PABPC4L: variants seen among roughly 807,000 people sequenced by gnomAD.
The protein encoded by PABPC4L is polyadenylate-binding protein 4-like.
For missense variants in PABPC4L, 452 were observed against 451.4 expected, an observed-to-expected ratio of 1.00 and a Z score of -0.01; for synonymous variants, 169 against 164.1, an observed-to-expected ratio of 1.03 and a Z score of -0.23.
the PABPC4L span, among the ~76,000 whole-genome samples, chr4:134,067,731 C>A: frequency 6.6e-6 from 1 of 152,052 alleles, no homozygotes; most frequent in Non-Finnish European, 1.5e-5. Flanking sequence ...TATATCTTAG[C>A]TCTCATTAGT....
chr4:134,181,594 T>C, the PABPC4L span, among the ~76,000 whole-genome samples: 1 of 151,772 alleles, frequency 6.6e-6, no homozygotes, highest in Non-Finnish European at 1.5e-5. Flanking sequence ...CTGTAATTCA[T>C]ACAATATGTT....
At chr4:134,196,328 C>T (rs1339423161), downstream of PABPC4L, 1 of 151,578 alleles carries the variant, frequency 6.6e-6, no homozygotes, top group Non-Finnish European at 1.5e-5. Context: ...CATTTTCAAA[C>T]ATGCTTTCAC....
At chr4:134,131,620 A>T in the PABPC4L span, among the ~76,000 whole-genome samples, 1 of 150,940 alleles carries the variant, frequency 6.6e-6, no homozygotes, top group African/African-American at 2.4e-5. Flanking sequence ...CAATATTGCC[A>T]AAAGCAATCT....
chr4:134,147,787 A>G, the PABPC4L span, among the ~76,000 whole-genome samples: 2 of 151,370 alleles, frequency 1.3e-5, no homozygotes, highest in Non-Finnish European at 2.9e-5. Context: ...CTAGAAGAAG[A>G]TGTTAAAATA....
the PABPC4L span, among the ~76,000 whole-genome samples, chr4:133,960,913 G>A: frequency 6.6e-6 from 1 of 152,054 alleles, no homozygotes; most frequent in Admixed American, 6.6e-5. Context: ...AGTAAGATCC[G>A]CCCAAGGAGA....
chr4:134,164,693 T>C, the PABPC4L span, among the ~76,000 whole-genome samples: 2 of 151,994 alleles, frequency 1.3e-5, no homozygotes, highest in Non-Finnish European at 2.9e-5. Flanking sequence ...AAAATGACCA[T>C]ACTGCCCAAA....
chr4:134,180,876 G>T, the PABPC4L span, among the ~76,000 whole-genome samples: 3 of 151,634 alleles, frequency 2.0e-5, no homozygotes, highest in Admixed American at 2.0e-4. Context: ...TCCAGAATAG[G>T]ATCAGTAATA....
chr4:134,059,794 C>A, the PABPC4L span, among the ~76,000 whole-genome samples: 2 of 151,910 alleles, frequency 1.3e-5, no homozygotes, highest in African/African-American at 4.8e-5. Context: ...AGCAAGATGG[C>A]CAAATAGAAG....
the PABPC4L span, among the ~76,000 whole-genome samples, chr4:134,031,503 C>T: frequency 6.6e-6 from 1 of 151,922 alleles, no homozygotes; most frequent in African/African-American, 2.4e-5. Context: ...ACTCTTGTGG[C>T]TCTGACATCC....
At chr4:134,089,521 A>T in the PABPC4L span, among the ~76,000 whole-genome samples, 1 of 152,136 alleles carries the variant, frequency 6.6e-6, no homozygotes, top group African/African-American at 2.4e-5. Context: ...TTTTTACAGT[A>T]TACATTTATA....
chr4:134,113,888 G>A, the PABPC4L span, among the ~76,000 whole-genome samples: 1 of 151,608 alleles, frequency 6.6e-6, no homozygotes, highest in South Asian at 2.1e-4. Context: ...GTAGAGAGAA[G>A]AGGGTGGCAT....
chr4:134,009,324 A>G, the PABPC4L span, among the ~76,000 whole-genome samples: 1 of 151,948 alleles, frequency 6.6e-6, no homozygotes, highest in African/African-American at 2.4e-5. Context: ...ATCTTTCATA[A>G]TATTTACACA....
the PABPC4L span, among the ~76,000 whole-genome samples, chr4:134,107,556 A>C: frequency 3.8e-4 from 58 of 151,736 alleles, no homozygotes; most frequent in Admixed American, 1.1e-3. Context: ...TAAGATCATT[A>C]AATTCAGCGA....
the PABPC4L span, among the ~76,000 whole-genome samples, chr4:134,134,403 G>T: frequency 6.6e-6 from 1 of 151,858 alleles, no homozygotes; most frequent in Non-Finnish European, 1.5e-5. Context: ...TAATAAAATG[G>T]CTGTATTTAA....
At chr4:134,141,042 G>A in the PABPC4L span, among the ~76,000 whole-genome samples, 1 of 151,556 alleles carries the variant, frequency 6.6e-6, no homozygotes, top group African/African-American at 2.4e-5. Flanking sequence ...TTATTCATGA[G>A]GAAGAAAACT....
chr4:134,041,935 C>T, the PABPC4L span, among the ~76,000 whole-genome samples: 1 of 151,900 alleles, frequency 6.6e-6, no homozygotes, highest in Non-Finnish European at 1.5e-5. Context: ...TATCTACCCA[C>T]AGGAAAAGAA....
chr4:133,970,232 T>C, the PABPC4L span, among the ~76,000 whole-genome samples: 2 of 152,010 alleles, frequency 1.3e-5, no homozygotes, highest in African/African-American at 2.4e-5. Context: ...CCACATTGTC[T>C]CGATTTTTCT....
the PABPC4L span, among the ~76,000 whole-genome samples, chr4:134,071,059 C>T: frequency 6.6e-5 from 10 of 152,284 alleles, no homozygotes; most frequent in South Asian, 2.1e-3. Flanking sequence ...TGCCACCTCT[C>T]TAAGCAGTTC....
At chr4:134,000,710 G>A in the PABPC4L span, among the ~76,000 whole-genome samples, 1 of 152,072 alleles carries the variant, frequency 6.6e-6, no homozygotes, top group Non-Finnish European at 1.5e-5. Flanking sequence ...TCAACCCATT[G>A]AGGACGTGAC....
Sources: gnomAD v4.1 joint callset for allele counts (sites outside exome capture counted in the v4.1 genomes callset) on GRCh38, gnomAD v4.1.1 for gene constraint, MANE v1.5 for transcripts, NCBI Gene and HGNC (gene_info 2026-07-23, HGNC 2026-07-21) for gene names.